The following KLF12 variants were observed in gnomAD, a reference collection of about 807,000 sequenced individuals.
KLF12 encodes Krueppel-like factor 12.
Under a neutral mutation model 37.8 loss-of-function variants are expected in KLF12, and 9 were observed. The ratio of observed to expected loss-of-function variants is 0.24; its 90% CI spans 0.14 to 0.42. The LOEUF is 0.42. Ranked by LOEUF, KLF12 falls within the 10% of genes least tolerant of loss-of-function variation. KLF12 has a pLI of 1.00. For synonymous variants in KLF12, 208 were observed against 202.1 expected (o/e 1.03, Z -0.25); for missense variants, 411 against 516.0 (o/e 0.80, Z 1.97).
intron 4 of KLF12, among the ~76,000 whole-genome samples, chr13:73,827,756 T>C (rs1320432565): frequency 6.6e-6 from 1 of 152,096 alleles, no homozygotes; most frequent in African/African-American, 2.4e-5. Context: ...AGAGACAGGG[T>C]TCCACCATGC....
At chr13:73,919,057 G>A (rs955321283) in intron 3 of KLF12, among the ~76,000 whole-genome samples, 1 of 152,162 alleles carries the variant, frequency 6.6e-6, no homozygotes, top group Admixed American at 6.5e-5. Flanking sequence ...GAGCACATCT[G>A]CTCCTGAGCT....
rs1873563767 is a variant in KLF12, at chr13:73,687,523, A to G, written c.*7967T>C. 6.6e-6 allele frequency: 1 copy of G among 152,214 alleles called. No individual in the cohort carries two copies. Among genetic ancestry groups the G allele is most frequent in the Admixed American group, 6.5e-5 (1 of 15,276 alleles). The allele number at this position is 152,214 out of a possible 1,614,324, so 9.4% of individuals were successfully genotyped here. A position where few individuals can be genotyped will look rare whatever the true frequency, so the allele number is the denominator to read the frequency against. On this transcript the variant is annotated 3_prime_UTR_variant, in exon 8 of 8. Transcript: ENST00000377669. ...CTGGATGTAATTACAAAATTCTGCC[A>G]TGGGAAAACTAGAACACAAGTAGGG...
chr13:74,072,510 G>A (rs1402498478), intron 1 of KLF12, among the ~76,000 whole-genome samples: 2 of 151,252 alleles, frequency 1.3e-5, no homozygotes, highest in Non-Finnish European at 2.9e-5. Flanking sequence ...GACCAAGGCA[G>A]GAGGATTGCT....
intron 5 of KLF12, among the ~76,000 whole-genome samples, chr13:73,772,281 A>C (rs1880318693): frequency 6.6e-6 from 1 of 152,190 alleles, no homozygotes; most frequent in African/African-American, 2.4e-5. Context: ...CCTATGTGCT[A>C]TGAAGTGTGT....
chr13:74,305,316 T>C, the KLF12 span, among the ~76,000 whole-genome samples: 36 of 152,234 alleles, frequency 2.4e-4, no homozygotes, highest in South Asian at 4.1e-4. Context: ...TTTTAAAAAG[T>C]TGTTTAGGAA....
At chr13:74,121,108 A>C (rs1478018238) in intron 1 of KLF12, among the ~76,000 whole-genome samples, 1 of 152,148 alleles carries the variant, frequency 6.6e-6, no homozygotes, top group Non-Finnish European at 1.5e-5. Context: ...AAAACACAAC[A>C]ATCCTGATGT....
intron 4 of KLF12, among the ~76,000 whole-genome samples, chr13:73,836,060 C>CTGCTTG (rs1445153649): frequency 1.3e-5 from 2 of 151,766 alleles, no homozygotes; most frequent in African/African-American, 2.4e-5. Context: ...AAAGGTGAAG[C>CTGCTTG]TGCTTGGTCT....
the KLF12 span, among the ~76,000 whole-genome samples, chr13:74,250,845 G>A: frequency 6.6e-6 from 1 of 152,180 alleles, no homozygotes; most frequent in African/African-American, 2.4e-5. Context: ...GCAGCAAAAA[G>A]ATAGATGTGC....
intron 6 of KLF12, among the ~76,000 whole-genome samples, chr13:73,740,131 T>A (rs1877860279): frequency 6.6e-6 from 1 of 152,102 alleles, no homozygotes; most frequent in African/African-American, 2.4e-5. Flanking sequence ...AGTTAAAAAA[T>A]AAAGTGAAGG....
the KLF12 span, among the ~76,000 whole-genome samples, chr13:74,201,900 A>G: frequency 5.3e-5 from 8 of 152,250 alleles, no homozygotes; most frequent in African/African-American, 1.9e-4. Context: ...GGTTTCCTGA[A>G]GCCAAGTCAT....
chr13:73,915,440 A>C (rs191722936), intron 3 of KLF12, among the ~76,000 whole-genome samples: 5 of 151,946 alleles, frequency 3.3e-5, no homozygotes, highest in African/African-American at 1.2e-4. Context: ...TGCCTGCCTG[A>C]GCCCCACACA....
chr13:74,285,442 T>G, the KLF12 span, among the ~76,000 whole-genome samples: 2 of 152,172 alleles, frequency 1.3e-5, no homozygotes, highest in Non-Finnish European at 2.9e-5. Context: ...CAGAAAGAAG[T>G]ATAATGGCCG....
At chr13:74,036,329 T>C (rs947171123) in intron 1 of KLF12, among the ~76,000 whole-genome samples, 1 of 152,130 alleles carries the variant, frequency 6.6e-6, no homozygotes, top group Admixed American at 6.5e-5. Flanking sequence ...CGGTACCTAA[T>C]ATAAGAGTTA....
At chr13:74,200,225 C>A in the KLF12 span, among the ~76,000 whole-genome samples, 1 of 151,846 alleles carries the variant, frequency 6.6e-6, no homozygotes, top group Admixed American at 6.6e-5. Flanking sequence ...TAATTGGATT[C>A]TTTTAGCCTG....
At chr13:74,265,000 A>G in the KLF12 span, among the ~76,000 whole-genome samples, 1 of 152,226 alleles carries the variant, frequency 6.6e-6, no homozygotes, top group Non-Finnish European at 1.5e-5. Flanking sequence ...GATGCCATAA[A>G]TTATTTACAA....
chr13:73,901,246 G>A (rs1412701610), intron 3 of KLF12, among the ~76,000 whole-genome samples: 2 of 152,144 alleles, frequency 1.3e-5, no homozygotes, highest in African/African-American at 4.8e-5. Flanking sequence ...TTACTTCAAA[G>A]CTGGGCTAAA....
At chr13:74,008,987 G>A (rs979980116) in intron 1 of KLF12, among the ~76,000 whole-genome samples, 5 of 152,194 alleles carry the variant, frequency 3.3e-5, no homozygotes, top group Non-Finnish European at 5.9e-5. Flanking sequence ...GAGGACCATG[G>A]AGTGAAATAT....
the KLF12 span, among the ~76,000 whole-genome samples, chr13:74,285,797 G>T: frequency 6.6e-6 from 1 of 152,118 alleles, no homozygotes; most frequent in East Asian, 1.9e-4. Context: ...TATTGAGATT[G>T]CAAGGTAAAA....
intron 3 of KLF12, among the ~76,000 whole-genome samples, chr13:73,922,477 G>C (rs966684069): frequency 1.3e-5 from 2 of 152,182 alleles, no homozygotes; most frequent in Admixed American, 6.5e-5. Context: ...AGGGAGAACA[G>C]TGTGACATGA....
Sources: allele counts gnomAD v4.1 joint callset (sites outside exome capture counted in the v4.1 genomes callset), GRCh38; gene constraint gnomAD v4.1.1; transcripts MANE v1.5; gene names NCBI Gene and HGNC (gene_info 2026-07-23, HGNC 2026-07-21).